Variants in PRKCA observed in about 807,000 individuals in gnomAD.
PRKCA encodes the protein protein kinase C alpha, also known as protein kinase C alpha type.
A neutral mutation model predicts 87.0 loss-of-function variants in PRKCA; 27 were observed. The observed-to-expected ratio is 0.31, with a 90% CI of 0.23 to 0.43. The LOEUF is 0.43. PRKCA is among the 20% of genes least tolerant of loss of function. PRKCA has a pLI of 1.00. For synonymous variants in PRKCA, 329 were observed against 311.1 expected, an observed-to-expected ratio of 1.06 and a Z score of -0.61; for missense variants, 518 against 852.3, an observed-to-expected ratio of 0.61 and a Z score of 4.88.
rs182544145 is a variant in PRKCA at position 66,527,419 on chromosome 17, G to A, written c.288+31136G>A. On this transcript the variant is annotated intron_variant, in intron 3 of 16. Transcript: ENST00000413366. ...TGCAGATTAGAGGACATACAAATGA[G>A]GGAGCCAGTTGCTACTTTTGCCTTT... Among the ~76,000 whole-genome samples, 965 of 152,312 alleles carry A rather than the reference G, an allele frequency of 6.3e-3. 31 individuals are homozygous for A. The highest frequency in any genetic ancestry group is 0.055 in the Admixed American group (842 of 15,292).
intron 2 of PRKCA, among the ~76,000 whole-genome samples, chr17:66,440,127 C>G (rs375410930): frequency 1.3e-5 from 2 of 152,134 alleles, no homozygotes; most frequent in South Asian, 2.1e-4. Context: ...CCAGAAACAC[C>G]AAGTCCTAAA....
chr17:66,659,222 G>A (rs948231645), intron 5 of PRKCA, among the ~76,000 whole-genome samples: 1 of 152,154 alleles, frequency 6.6e-6, no homozygotes, highest in Non-Finnish European at 1.5e-5. Flanking sequence ...GGAGACTCTA[G>A]GGACTCTGCA....
At chr17:66,660,660 C>T (rs1419430026) in intron 5 of PRKCA, among the ~76,000 whole-genome samples, 15 of 152,182 alleles carry the variant, frequency 9.9e-5, no homozygotes, top group East Asian at 3.9e-4. Flanking sequence ...GAAGCCGAGG[C>T]GGGCGGATCA....
intron 2 of PRKCA, among the ~76,000 whole-genome samples, chr17:66,440,996 A>G (rs952922681): frequency 6.6e-6 from 1 of 151,788 alleles, no homozygotes; most frequent in East Asian, 1.9e-4. Flanking sequence ...CCCTGTCTCT[A>G]CTAAAAATAC....
chr17:66,718,046 GACTT>G (rs1567993643), intron 8 of PRKCA, among the ~76,000 whole-genome samples: 1 of 152,176 alleles, frequency 6.6e-6, no homozygotes, highest in East Asian at 1.9e-4. Flanking sequence ...TTGGGGGACT[GACTT>G]ACTAAGGATC....
chr17:66,606,576 C>A (rs1026672880), intron 3 of PRKCA, among the ~76,000 whole-genome samples: 2 of 152,104 alleles, frequency 1.3e-5, no homozygotes, highest in Non-Finnish European at 2.9e-5. Context: ...CATTCTGGTT[C>A]TTTAACAAAG....
intron 2 of PRKCA, among the ~76,000 whole-genome samples, chr17:66,335,932 A>G (rs954283244): frequency 3.9e-5 from 6 of 152,196 alleles, no homozygotes; most frequent in African/African-American, 1.4e-4. Context: ...CAGAATAGTT[A>G]CTAAATTTCA....
chr17:66,404,941 G>T (rs1042916317), intron 2 of PRKCA, among the ~76,000 whole-genome samples: 6 of 151,562 alleles, frequency 4.0e-5, no homozygotes, highest in Non-Finnish European at 7.4e-5. Flanking sequence ...GTAGAGACGG[G>T]GTTTCACCAT....
rs566018041 is a variant in PRKCA at position 66,477,292 on chromosome 17, G to A, written c.206-18909G>A. 9.2e-5 allele frequency among the ~76,000 whole-genome samples: 14 copies of A among 152,286 alleles called. No homozygotes were observed. The South Asian group carries it at 2.9e-3, about 32-fold the overall frequency. On this transcript the variant is annotated intron_variant, in intron 2 of 16. Coordinates refer to ENST00000413366, the MANE Select transcript of PRKCA (RefSeq NM_002737.3). ...TAAAATTTGGAAATAAGGCATAAAC[G>A]TAACAGCAGCATGTAGTTCTTCAAA...
At chr17:66,548,554 T>G (rs1023387573) in intron 3 of PRKCA, among the ~76,000 whole-genome samples, 3 of 152,134 alleles carry the variant, frequency 2.0e-5, no homozygotes, top group African/African-American at 7.2e-5. Context: ...AGATAGGTGA[T>G]CTGGTGTCCT....
chr17:66,411,991 GA>G (rs906377943), intron 2 of PRKCA, among the ~76,000 whole-genome samples: 2 of 143,326 alleles, frequency 1.4e-5, no homozygotes, highest in African/African-American at 2.6e-5. Context: ...TATTTTTCAG[GA>G]AAAAAAATCT....
At chr17:66,734,951 T>C (rs903941292) in intron 9 of PRKCA, among the ~76,000 whole-genome samples, 1 of 152,232 alleles carries the variant, frequency 6.6e-6, no homozygotes, top group Non-Finnish European at 1.5e-5. Context: ...AAATGCTGGT[T>C]GATGAATAGT....
Position 66,471,019 on chromosome 17 carries a change from G to GTT in PRKCA, c.206-25173_206-25172dup, listed in dbSNP as rs201499980. Reference sequence around the variant, plus strand: ...GGAACTTTTTTTTTTTTTTAGTTTAGTTTTTTTTTTAATTGTACTTCTACA... The same window carrying GTT: ...GGAACTTTTTTTTTTTTTTAGTTTAGTTTTTTTTTTTTAATTGTACTTCTACA... On this transcript the variant is annotated intron_variant, in intron 2 of 16. Transcript: ENST00000413366. Among the ~76,000 whole-genome samples the GTT allele has an allele frequency of 4.8e-5, 7 of 144,476 alleles. 1 individual carries two copies. The highest frequency in any genetic ancestry group is 1.8e-4 in the African/African-American group (7 of 39,370). The allele number at this position is 144,476 out of a possible 152,430, so 94.8% of individuals were successfully genotyped here. A position where few individuals can be genotyped will look rare whatever the true frequency, so the allele number is the denominator to read the frequency against.
At chr17:66,739,121 G>C (rs551880002) in intron 11 of PRKCA, among the ~76,000 whole-genome samples, 1 of 152,082 alleles carries the variant, frequency 6.6e-6, no homozygotes, top group Non-Finnish European at 1.5e-5. Flanking sequence ...AGCTCAAGCT[G>C]TCTGCCCACC....
intron 3 of PRKCA, among the ~76,000 whole-genome samples, chr17:66,524,414 T>G (rs1967273617): frequency 6.6e-6 from 1 of 152,226 alleles, no homozygotes; most frequent in Non-Finnish European, 1.5e-5. Flanking sequence ...TTTGGGAGAC[T>G]GATGTGGGAA....
At chr17:66,494,186 G>C (rs1916365809) in intron 2 of PRKCA, among the ~76,000 whole-genome samples, 1 of 152,296 alleles carries the variant, frequency 6.6e-6, no homozygotes, top group East Asian at 1.9e-4. Flanking sequence ...GCAGGGAACT[G>C]TATTATCATT....
chr17:66,312,844 T>G (rs1476345884), intron 2 of PRKCA, among the ~76,000 whole-genome samples: 1 of 145,832 alleles, frequency 6.9e-6, no homozygotes, highest in African/African-American at 2.5e-5. Flanking sequence ...GCTCAAGAAA[T>G]TCTCATGCCT....
chr17:66,568,633 T>C (rs1968969629), intron 3 of PRKCA, among the ~76,000 whole-genome samples: 1 of 152,018 alleles, frequency 6.6e-6, no homozygotes, highest in Admixed American at 6.5e-5. Context: ...AAAAATGGGG[T>C]TTGAGAAGTA....
chr17:66,587,901 A>ATG (rs1969670566), intron 3 of PRKCA, among the ~76,000 whole-genome samples: 1 of 52,188 alleles, frequency 1.9e-5, no homozygotes, highest in Non-Finnish European at 3.3e-5. Flanking sequence ...GTGTGTATAT[A>ATG]TATATATATA....
Sources: gnomAD v4.1 joint callset for allele counts (sites outside exome capture counted in the v4.1 genomes callset) on GRCh38, gnomAD v4.1.1 for gene constraint, MANE v1.5 for transcripts, NCBI Gene and HGNC (gene_info 2026-07-23, HGNC 2026-07-21) for gene names.